BICD1: variants seen among roughly 807,000 people sequenced by gnomAD.
BICD1 encodes BICD cargo adaptor 1, also known as protein bicaudal D homolog 1.
BICD1 carries 35 observed loss-of-function variants against 92.5 expected under a neutral mutation model. The ratio of observed to expected loss-of-function variants is 0.38; its 90% CI spans 0.29 to 0.50. The LOEUF is 0.50. BICD1 is among the 20% of genes least tolerant of loss of function. BICD1 has a pLI of 0.93. For synonymous variants in BICD1, 429 were observed against 465.1 expected, an observed-to-expected ratio of 0.92 and a Z score of 1.00; for missense variants, 950 against 1,189.8, an observed-to-expected ratio of 0.80 and a Z score of 2.97.
At chr12:32,170,304 C>A (rs1430711364) in intron 1 of BICD1, among the ~76,000 whole-genome samples, 2 of 152,130 alleles carry the variant, frequency 1.3e-5, no homozygotes, top group Admixed American at 1.3e-4. Flanking sequence ...TACTTCCTTT[C>A]CATTTTATTT....
At chr12:32,340,206 TG>T (rs1356715380) in intron 8 of BICD1, 1 of 985,344 alleles carries the variant, frequency 1.0e-6, no homozygotes, top group African/African-American at 1.7e-5. Context: ...AAAGATGTGG[TG>T]TAGAAACTGA....
At chr12:32,121,508 T>C (rs183488915) in intron 1 of BICD1, among the ~76,000 whole-genome samples, 27 of 151,548 alleles carry the variant, frequency 1.8e-4, no homozygotes, top group African/African-American at 6.0e-4. Context: ...CAGGAGAAAC[T>C]CTTGAACCTG....
At chr12:32,220,372 G>C (rs991111113) in intron 2 of BICD1, among the ~76,000 whole-genome samples, 1 of 152,084 alleles carries the variant, frequency 6.6e-6, no homozygotes, top group Admixed American at 6.6e-5. Flanking sequence ...TCCAGAATCT[G>C]CAATGAACTC....
In BICD1 at chr12:32,313,100, G is replaced by A. The variant is rs1196508541; in HGVS notation, c.1005+6978G>A. 7.5e-6 allele frequency among the ~76,000 whole-genome samples: 1 copy of A among 133,732 alleles called. No individual in the cohort carries two copies. The highest frequency in any genetic ancestry group is 2.7e-5 in the African/African-American group (1 of 36,572). The allele number at this position is 133,732 out of a possible 152,430, so 87.7% of individuals were successfully genotyped here. Reference sequence around the variant, plus strand: ...ATCTGCATAGAGTCAAACTAAGCAGGGGAAAACTCTTTGGATTTTTTTTTT... The same window carrying A: ...ATCTGCATAGAGTCAAACTAAGCAGAGGAAAACTCTTTGGATTTTTTTTTT... On this transcript the variant is annotated intron_variant, in intron 4 of 9. Coordinates refer to ENST00000652176, the MANE Select transcript of BICD1 (RefSeq NM_001714.4). This position sits in a 1 kb window ranked among gnomAD's most constrained non-coding sequence, Gnocchi z 4.2.
chr12:32,116,280 A>G (rs1479886751), intron 1 of BICD1, among the ~76,000 whole-genome samples: 2 of 152,118 alleles, frequency 1.3e-5, no homozygotes, highest in African/African-American at 2.4e-5. Context: ...TTTCCAAAGT[A>G]CAGAATAGTT....
In BICD1 at chr12:32,220,569, G is replaced by T. The variant is rs865782342; in HGVS notation, c.426+4110G>T. Among the ~76,000 whole-genome samples, 7 of 150,964 alleles carry T rather than the reference G, an allele frequency of 4.6e-5. No individual in the cohort carries two copies. The Middle Eastern group carries it at 0.014, about 295-fold the overall frequency. On this transcript the variant is annotated intron_variant, in intron 2 of 9. Coordinates refer to ENST00000652176, the MANE Select transcript of BICD1 (RefSeq NM_001714.4). ...ATACCATCTCACACCAATTAGAATG[G>T]CAATCATTAAAAAGTCAGGAAACAA...
chr12:32,195,260 C>T (rs2121533239), intron 1 of BICD1, among the ~76,000 whole-genome samples: 1 of 152,248 alleles, frequency 6.6e-6, no homozygotes, highest in South Asian at 2.1e-4. Flanking sequence ...ATCAGAAAAA[C>T]AATCCTAATA....
intron 2 of BICD1, among the ~76,000 whole-genome samples, chr12:32,256,156 A>T (rs573402089): frequency 3.3e-5 from 5 of 152,194 alleles, no homozygotes; most frequent in African/African-American, 1.2e-4. Context: ...GGGCTCAAGC[A>T]ATCCTCCTGT....
chr12:32,214,445 C>G (rs556779919), intron 1 of BICD1, among the ~76,000 whole-genome samples: 1 of 152,284 alleles, frequency 6.6e-6, no homozygotes, highest in South Asian at 2.1e-4. Flanking sequence ...GACTATCTAC[C>G]TATTAAAAAC....
chr12:32,276,702 C>CT (rs895903025), intron 2 of BICD1, among the ~76,000 whole-genome samples: 2 of 152,076 alleles, frequency 1.3e-5, no homozygotes, highest in African/African-American at 4.8e-5. Flanking sequence ...CTTCAAATGG[C>CT]TATTGATGCT....
chr12:32,132,832 CA>C (rs1283233830), intron 1 of BICD1, among the ~76,000 whole-genome samples: 1 of 152,146 alleles, frequency 6.6e-6, no homozygotes, highest in Non-Finnish European at 1.5e-5. Flanking sequence ...TTATTCCTTG[CA>C]GACAGTGGAA....
chr12:32,300,354 C>T (rs1592636240), intron 3 of BICD1, among the ~76,000 whole-genome samples: 1 of 152,088 alleles, frequency 6.6e-6, no homozygotes, highest in African/African-American at 2.4e-5. Context: ...CCTCCTGCCT[C>T]GGCCTCCCAA....
At chr12:32,319,580 C>T (rs11051928) in intron 4 of BICD1, among the ~76,000 whole-genome samples, 16 of 151,368 alleles carry the variant, frequency 1.1e-4, no homozygotes, top group Non-Finnish European at 2.4e-4. Flanking sequence ...TTTTTAGTTT[C>T]GTTTTTTTTT....
At chr12:32,255,426 A>C (rs747546928) in intron 2 of BICD1, among the ~76,000 whole-genome samples, 3 of 152,196 alleles carry the variant, frequency 2.0e-5, no homozygotes, top group Non-Finnish European at 2.9e-5. Context: ...AGCCCTATCC[A>C]TGCCAAAATC....
intron 2 of BICD1, among the ~76,000 whole-genome samples, chr12:32,241,995 G>A (rs1399340156): frequency 6.6e-6 from 1 of 151,852 alleles, no homozygotes; most frequent in African/African-American, 2.4e-5. Flanking sequence ...AGGAGTTCAA[G>A]ACCAGCCTGG....
chr12:32,201,236 C>A (rs886966325), intron 1 of BICD1, among the ~76,000 whole-genome samples: 3 of 152,190 alleles, frequency 2.0e-5, no homozygotes, highest in Non-Finnish European at 4.4e-5. Flanking sequence ...CTGACATACT[C>A]TGATCTAGGA....
At position 32,377,522 on chromosome 12, in the gene BICD1, C is replaced by T. The variant is rs761705282; in HGVS notation, c.2841-18C>T. The T allele has an allele frequency of 1.2e-6, 2 of 1,606,508 alleles. No individual in the cohort carries two copies. Among genetic ancestry groups the T allele is most frequent in the Admixed American group, 3.3e-5 (2 of 59,984 alleles). On this transcript the variant is annotated intron_variant, in intron 9 of 9. Coordinates refer to ENST00000652176, the MANE Select transcript of BICD1 (RefSeq NM_001714.4). ...TTGAAATGTGTTTCTTGCTGACGTG[C>T]TTGTTTCTCCTTTCCAGTCCTGACA...
chr12:32,139,661 C>T (rs1258727533), intron 1 of BICD1, among the ~76,000 whole-genome samples: 1 of 152,146 alleles, frequency 6.6e-6, no homozygotes, highest in Non-Finnish European at 1.5e-5. Flanking sequence ...TTCCTGGGTT[C>T]GAGCGATTCC....
chr12:32,220,572 A>G (rs1274918633), intron 2 of BICD1, among the ~76,000 whole-genome samples: 16 of 151,118 alleles, frequency 1.1e-4, no homozygotes, highest in Non-Finnish European at 1.5e-4. Flanking sequence ...TAGAATGGCA[A>G]TCATTAAAAA....
Sources: allele counts gnomAD v4.1 joint callset (sites outside exome capture counted in the v4.1 genomes callset), GRCh38; gene constraint gnomAD v4.1.1; non-coding constraint Gnocchi (gnomAD v3.1); transcripts MANE v1.5; gene names NCBI Gene and HGNC (gene_info 2026-07-23, HGNC 2026-07-21).